The following TRAPPC12 variants were observed in gnomAD, a reference collection of about 807,000 sequenced individuals.
TRAPPC12 encodes TPR repeat protein 15.
A neutral mutation model predicts 69.2 loss-of-function variants in TRAPPC12; 61 were observed. The ratio of observed to expected loss-of-function variants is 0.88; its 90% CI spans 0.72 to 1.09. TRAPPC12 has a LOEUF of 1.09. Ranked by LOEUF, TRAPPC12 falls within the 50% of genes least tolerant of loss-of-function variation. The pLI, the probability that TRAPPC12 is intolerant of heterozygous loss-of-function variation, is 0.00. For synonymous variants in TRAPPC12, 469 were observed against 438.9 expected (o/e 1.07, Z -0.86); for missense variants, 1,101 against 1,016.4 (o/e 1.08, Z -1.13).
chr2:3,425,373 G>A (rs1011296621), intron 5 of TRAPPC12, among the ~76,000 whole-genome samples: 1 of 152,196 alleles, frequency 6.6e-6, no homozygotes, highest in Non-Finnish European at 1.5e-5. Flanking sequence ...AGCAGCTATT[G>A]AAAGCCCACG....
intron 8 of TRAPPC12, among the ~76,000 whole-genome samples, chr2:3,464,729 A>G (rs1362145117): frequency 6.6e-6 from 1 of 152,226 alleles, no homozygotes; most frequent in Non-Finnish European, 1.5e-5. Flanking sequence ...GTCCCACGTG[A>G]CTTTGGCAAG....
Position 3,387,991 on chromosome 2 carries a change from C to T in TRAPPC12, c.368C>T (p.Ala123Val), listed in dbSNP as rs1009941890. The change falls in exon 2 of 12, where the codon GCG (alanine) becomes GTG (valine). Residue 123 changes from alanine (A) to valine (V), a missense_variant. Transcript: ENST00000324266. Reference sequence around the variant, plus strand: ...GACGGCGACTGTGCCCCCGAGGACGCGGCACCCAGTAGCGGAGGGGCCCCG... The same window carrying T: ...GACGGCGACTGTGCCCCCGAGGACGTGGCACCCAGTAGCGGAGGGGCCCCG... ...EADGDCAPED[A>V]APSSGGAPRQ... 2 of 1,472,534 alleles carry T rather than the reference C, an allele frequency of 1.4e-6. No homozygotes were observed. The highest frequency in any genetic ancestry group is 1.8e-6 in the Non-Finnish European group (2 of 1,118,472). 91.2% of individuals were successfully genotyped at this position (1,472,534 alleles called of 1,614,324 possible). A position where few individuals can be genotyped will look rare whatever the true frequency, so the allele number is the denominator to read the frequency against.
rs1662885975 is a variant in TRAPPC12 at position 3,422,817 on chromosome 2, C to T, written c.1278+823C>T. On this transcript the variant is annotated intron_variant, in intron 4 of 11. Transcript: ENST00000324266. ...ATCATTTCTCTCCAACCCACCACCA[C>T]CCACAGTTCGAGCTCTCATTGCAGT... is the stretch of plus-strand genomic sequence containing the variant. Among the ~76,000 whole-genome samples, 3 of 152,380 alleles carry T rather than the reference C, an allele frequency of 2.0e-5. No individual in the cohort carries two copies. The South Asian group carries it at 6.2e-4, about 32-fold the overall frequency.
chr2:3,463,585 A>G (rs1665633436), intron 8 of TRAPPC12, among the ~76,000 whole-genome samples: 1 of 150,206 alleles, frequency 6.7e-6, no homozygotes, highest in South Asian at 2.1e-4. Context: ...TATCTTCAGA[A>G]ACACTGACCC....
Position 3,424,594 on chromosome 2 carries a change from C to G in TRAPPC12, c.1348C>G (p.Pro450Ala), listed in dbSNP as rs1230746321. The change falls in exon 5 of 12, where the codon CCC becomes GCC. Residue 450 changes from proline to alanine, a missense_variant. Pro to Ala is a conservative substitution (Grantham distance 27). Coordinates refer to ENST00000324266, the MANE Select transcript of TRAPPC12 (RefSeq NM_016030.6). ...LFQNAEMEFE[P>A]FGNLDQPDLY... ...CCAGAATGCTGAGATGGAATTTGAA[C>G]CCTTCGGAAATCTTGATCAGCCAGA... 1.9e-6 allele frequency: 3 copies of G among 1,613,998 alleles called. No homozygotes were observed. Among genetic ancestry groups the G allele is most frequent in the Admixed American group, 3.3e-5 (2 of 59,972 alleles).
chr2:3,458,646 C>G (rs781155288), intron 7 of TRAPPC12, among the ~76,000 whole-genome samples: 3 of 152,186 alleles, frequency 2.0e-5, no homozygotes, highest in African/African-American at 7.2e-5. Context: ...GTAACAAGGT[C>G]TGAAGGAGAG....
At chr2:3,427,980 A>C (rs540747691) in intron 5 of TRAPPC12, among the ~76,000 whole-genome samples, 1 of 151,806 alleles carries the variant, frequency 6.6e-6, no homozygotes, top group Non-Finnish European at 1.5e-5. Flanking sequence ...TGTGTATCCT[A>C]TTTTACAGTG....
chr2:3,409,414 C>T (rs1011212515), intron 3 of TRAPPC12, among the ~76,000 whole-genome samples: 2 of 152,130 alleles, frequency 1.3e-5, no homozygotes, highest in Admixed American at 6.6e-5. Context: ...GTGTTTTCTT[C>T]TCTTTTTTTC....
chr2:3,434,603 GTCTT>G (rs1457552448), intron 5 of TRAPPC12, among the ~76,000 whole-genome samples: 2 of 152,218 alleles, frequency 1.3e-5, no homozygotes, highest in Non-Finnish European at 2.9e-5. Flanking sequence ...CACCGCTGCT[GTCTT>G]TCTTGGTTTT....
At chr2:3,441,153 T>C (rs1664178897) in intron 5 of TRAPPC12, among the ~76,000 whole-genome samples, 1 of 152,238 alleles carries the variant, frequency 6.6e-6, no homozygotes, top group Non-Finnish European at 1.5e-5. Context: ...CAGTTTTTTT[T>C]TCTTGTAACG....
chr2:3,395,514 T>C (rs193275755), intron 2 of TRAPPC12, among the ~76,000 whole-genome samples: 129 of 151,872 alleles, frequency 8.5e-4, no homozygotes, highest in Non-Finnish European at 1.6e-3. Flanking sequence ...GGTGCAGGTA[T>C]ACTAGCTACA....
chr2:3,425,037 G>T (rs1186326157), intron 5 of TRAPPC12, among the ~76,000 whole-genome samples: 1 of 152,244 alleles, frequency 6.6e-6, no homozygotes, highest in East Asian at 1.9e-4. Flanking sequence ...ACGTGTCCGT[G>T]CATATGGCAC....
chr2:3,388,794 T>A, intron 2 of TRAPPC12, 124 bp downstream of exon 2: 1 of 976,224 alleles, frequency 1.0e-6, no homozygotes, highest in Non-Finnish European at 1.5e-6. Context: ...AACATCCCAT[T>A]GTGAGCGCCT....
At chr2:3,419,824 C>T (rs1209904018) in intron 3 of TRAPPC12, among the ~76,000 whole-genome samples, 2 of 152,088 alleles carry the variant, frequency 1.3e-5, no homozygotes, top group Non-Finnish European at 1.5e-5. Context: ...GAGAGTGAAA[C>T]GCATGCCAGT....
intron 1 of TRAPPC12, among the ~76,000 whole-genome samples, chr2:3,384,748 C>G (rs1418401245): frequency 6.6e-6 from 1 of 152,148 alleles, no homozygotes; most frequent in Non-Finnish European, 1.5e-5. Context: ...AAATTTTGGT[C>G]TCAAGGTTAT....
intron 7 of TRAPPC12, 54 bp from the exon 8 acceptor site, chr2:3,460,209 C>T (rs1351999192): frequency 3.4e-6 from 3 of 870,384 alleles, no homozygotes; most frequent in Non-Finnish European, 6.0e-6. Flanking sequence ...TAATTGAGGG[C>T]TAGAAAGAGC....
Position 3,391,241 on chromosome 2 carries a change from A to G in TRAPPC12, c.1047+2571A>G, listed in dbSNP as rs540216855. Among the ~76,000 whole-genome samples the G allele has an allele frequency of 2.0e-5, 3 of 152,268 alleles. No homozygotes were observed. In the East Asian group the frequency reaches 5.8e-4, roughly 29 times the overall value. On this transcript the variant is annotated intron_variant, in intron 2 of 11. Transcript: ENST00000324266. ...TCCTGTGCGTGTCTGTCTTCCTGAA[A>G]CTGAAAGAAGGACCTACAGCCCCCT...
Position 3,477,611 on chromosome 2 carries a change from A to C in TRAPPC12, c.1777-84A>C, listed in dbSNP as rs180790979. The C allele has an allele frequency of 5.1e-5, 36 of 711,494 alleles. No homozygotes were observed. The East Asian group carries it at 8.8e-4, about 17-fold the overall frequency. The allele number at this position is 711,494 out of a possible 1,614,324, so 44.1% of individuals were successfully genotyped here. On this transcript the variant is annotated intron_variant, in intron 9 of 11. Coordinates refer to ENST00000324266, the MANE Select transcript of TRAPPC12 (RefSeq NM_016030.6). ...TGACATATAAATGTCTTCATATTCTAACATGATATTAGGGAACTAAATATA... is the reference window on the plus strand; with the variant it reads ...TGACATATAAATGTCTTCATATTCTCACATGATATTAGGGAACTAAATATA...
At chr2:3,457,872 C>A in intron 7 of TRAPPC12, 179 bp downstream of exon 7, 1 of 1,437,344 alleles carries the variant, frequency 7.0e-7, no homozygotes, top group Non-Finnish European at 9.1e-7. Flanking sequence ...CTGGGTGATG[C>A]TGTGGGTGCA....
Sources: allele counts gnomAD v4.1 joint callset (sites outside exome capture counted in the v4.1 genomes callset), GRCh38; gene constraint gnomAD v4.1.1; transcripts MANE v1.5; gene names NCBI Gene and HGNC (gene_info 2026-07-23, HGNC 2026-07-21).